Variants in NECTIN1 observed in about 807,000 individuals in gnomAD.
NECTIN1 encodes the protein nectin-1.
A neutral mutation model predicts 48.0 loss-of-function variants in NECTIN1; 23 were observed. That is an observed-to-expected ratio of 0.48 (90% CI 0.34 to 0.68). The LOEUF (loss-of-function observed/expected upper bound fraction) is 0.68. NECTIN1 is among the 30% of genes least tolerant of loss of function. NECTIN1 has a pLI of 0.01. For synonymous variants in NECTIN1, 270 were observed against 288.9 expected (o/e 0.93, Z 0.66); for missense variants, 591 against 709.9 (o/e 0.83, Z 1.90).
At chr11:119,714,745 AGGGGTGGGAAG>A (rs1268957169) in intron 1 of NECTIN1, among the ~76,000 whole-genome samples, 1 of 84,302 alleles carries the variant, frequency 1.2e-5, no homozygotes, top group Admixed American at 1.4e-4. Context: ...TAAGGAAAAC[AGGGGTGGGAAG>A]GGGGTGGGGG....
intron 1 of NECTIN1, among the ~76,000 whole-genome samples, chr11:119,687,029 T>C (rs1865170547): frequency 6.6e-6 from 1 of 151,882 alleles, no homozygotes; most frequent in African/African-American, 2.4e-5. Flanking sequence ...CTGCATATTA[T>C]CCAAAAGGCA....
rs1864968972 is a variant in NECTIN1, at chr11:119,677,235, T to C, written c.734-16A>G. 11 of 1,605,280 alleles carry C rather than the reference T, an allele frequency of 6.9e-6. No individual in the cohort carries two copies. Among genetic ancestry groups the C allele is most frequent in the Middle Eastern group, 1.7e-4 (1 of 6,048 alleles). ...TCAGGCTCATCTGTGGGGCAAGGGA[T>C]GTTTGAAGAGGGTGAGGTCAGGAGA... On this transcript the variant is annotated splice_polypyrimidine_tract_variant and intron_variant, in intron 3 of 5. Coordinates refer to ENST00000264025, the MANE Select transcript of NECTIN1 (RefSeq NM_002855.5). This position sits in a 1 kb window ranked among gnomAD's most constrained non-coding sequence, Gnocchi z 5.4.
At chr11:119,646,990 C>A (rs898716898) in intron 5 of NECTIN1, among the ~76,000 whole-genome samples, 1 of 152,138 alleles carries the variant, frequency 6.6e-6, no homozygotes, top group African/African-American at 2.4e-5. Context: ...CTGTGGCAGA[C>A]CTGCCAAGCA....
intron 1 of NECTIN1, among the ~76,000 whole-genome samples, chr11:119,716,234 C>G (rs1201401427): frequency 6.6e-6 from 1 of 152,132 alleles, no homozygotes; most frequent in Non-Finnish European, 1.5e-5. Context: ...AGGAGCCCAG[C>G]AGAGGGGCTC....
At position 119,662,588 on chromosome 11, in the gene NECTIN1, C is replaced by T. The variant is rs1864686154; in HGVS notation, c.*2159G>A. On this transcript the variant is annotated 3_prime_UTR_variant, in exon 6 of 6. Transcript: ENST00000264025. The surrounding 1 kb of genome is among the most constrained non-coding windows in gnomAD (Gnocchi z 5.3). ...AGGATAAAGGAGATGCAGGAGGAGA[C>T]AGGGACAGGAAATGCCTCTATCAGG... 1.0e-6 allele frequency: 1 copy of T among 985,516 alleles called. No homozygotes were observed. Among genetic ancestry groups the T allele is most frequent in the African/African-American group, 1.8e-5 (1 of 57,070 alleles). The allele number at this position is 985,516 out of a possible 1,614,324, so 61.0% of individuals were successfully genotyped here.
At position 119,690,877 on chromosome 11, in the gene NECTIN1, C is replaced by T. The variant is rs75740876; in HGVS notation, c.80-12112G>A. Reference sequence around the variant, plus strand: ...TGCAGAAGCCACTCACTTTTCACGCCGCCCCCCACCTCAACCTACCTTCCG... The same window carrying T: ...TGCAGAAGCCACTCACTTTTCACGCTGCCCCCCACCTCAACCTACCTTCCG... On this transcript the variant is annotated intron_variant, in intron 1 of 5. Coordinates refer to ENST00000264025, the MANE Select transcript of NECTIN1 (RefSeq NM_002855.5). Among the ~76,000 whole-genome samples, 455 of 152,278 alleles carry T rather than the reference C, an allele frequency of 3.0e-3. 9 individuals carry two copies. In the East Asian group the frequency reaches 0.062, roughly 21 times the overall value.
Position 119,664,309 on chromosome 11 carries a change from G to A in NECTIN1, c.*438C>T, listed in dbSNP as rs760416313. On this transcript the variant is annotated 3_prime_UTR_variant, in exon 6 of 6. Coordinates refer to ENST00000264025, the MANE Select transcript of NECTIN1 (RefSeq NM_002855.5). ...AGCCGGGAGGAGGAGCAGCATCTGG[G>A]GGTGTGGGGAGCTTTTCCCTCTTAG... 3.5e-5 allele frequency: 35 copies of A among 1,003,952 alleles called. No individual in the cohort carries two copies. The highest frequency in any genetic ancestry group is 4.0e-5 in the Non-Finnish European group (34 of 841,064). 62.2% of individuals were successfully genotyped at this position (1,003,952 alleles called of 1,614,324 possible).
chr11:119,648,307 A>ATGG lies in NECTIN1; in HGVS notation c.1004-8298_1004-8296dup, dbSNP rs1565376549. ...GGTGGTGATGGTGGTGGTGGTGGTG[A>ATGG]TGGTGGTGATGGTGATGGTGGTGAT... is the stretch of plus-strand genomic sequence containing the variant. On this transcript the variant is annotated intron_variant, in intron 5 of 7. Coordinates refer to the NECTIN1 transcript ENST00000341398. 1.2e-3 allele frequency among the ~76,000 whole-genome samples: 12 copies of ATGG among 10,420 alleles called. 1 individual carries two copies. The highest frequency in any genetic ancestry group is 3.5e-3 in the African/African-American group (8 of 2,312). The allele number at this position is 10,420 out of a possible 152,430, so 6.8% of individuals were successfully genotyped here.
chr11:119,648,307 A>ATGGTGG lies in NECTIN1; in HGVS notation c.1004-8301_1004-8296dup, dbSNP rs1565376549. Among the ~76,000 whole-genome samples, 21 of 10,430 alleles carry ATGGTGG rather than the reference A, an allele frequency of 2.0e-3. 1 individual carries two copies. The highest frequency in any genetic ancestry group is 6.5e-3 in the African/African-American group (15 of 2,316). 6.8% of individuals were successfully genotyped at this position (10,430 alleles called of 152,430 possible). A position where few individuals can be genotyped will look rare whatever the true frequency, so the allele number is the denominator to read the frequency against. ...GGTGGTGATGGTGGTGGTGGTGGTG[A>ATGGTGG]TGGTGGTGATGGTGATGGTGGTGAT... On this transcript the variant is annotated intron_variant, in intron 5 of 7. Transcript: ENST00000341398.
rs1451274023 is a variant in NECTIN1, at chr11:119,709,273, C to G, written c.79+19202G>C. On this transcript the variant is annotated intron_variant, in intron 1 of 5. Transcript: ENST00000264025. The surrounding 1 kb of genome is among the most constrained non-coding windows in gnomAD (Gnocchi z 4.1). ...AACTGTCTGTTCAGAAATAAGAGAC[C>G]CCCTCACTCATATCCCCAGTGTACC... 2.0e-5 allele frequency among the ~76,000 whole-genome samples: 3 copies of G among 152,056 alleles called. No individual in the cohort carries two copies. Among genetic ancestry groups the G allele is most frequent in the African/African-American group, 7.3e-5 (3 of 41,372 alleles).
intron 1 of NECTIN1, among the ~76,000 whole-genome samples, chr11:119,685,508 C>T (rs1326929496): frequency 6.6e-6 from 1 of 152,230 alleles, no homozygotes; most frequent in Non-Finnish European, 1.5e-5. Context: ...GCAAGTCCCA[C>T]CTCCCTCCAG....
intron 1 of NECTIN1, among the ~76,000 whole-genome samples, chr11:119,697,058 G>C (rs1865352321): frequency 6.6e-6 from 1 of 152,138 alleles, no homozygotes; most frequent in Non-Finnish European, 1.5e-5. Context: ...GGCCGGGCCT[G>C]GGAGGGGCAG....
intron 5 of NECTIN1, among the ~76,000 whole-genome samples, chr11:119,650,717 C>T (rs906441518): frequency 5.9e-5 from 9 of 152,134 alleles, no homozygotes; most frequent in South Asian, 2.1e-4. Flanking sequence ...TGGCTAACTG[C>T]GGGACTTTGG....
chr11:119,706,431 GACCCATTTTCCTTTGCTCTGAGA>G (rs1236297470), intron 1 of NECTIN1, among the ~76,000 whole-genome samples: 1 of 152,136 alleles, frequency 6.6e-6, no homozygotes, highest in East Asian at 1.9e-4. Context: ...CGCCAGGAAG[GACCCATTTTCCTTTGCTCTGAGA>G]ACTGCTGGTT....
chr11:119,647,346 C>T (rs1019783881), intron 5 of NECTIN1, among the ~76,000 whole-genome samples: 3 of 152,002 alleles, frequency 2.0e-5, no homozygotes, highest in African/African-American at 7.3e-5. Flanking sequence ...CCCTGCCCTC[C>T]ACACCTTGAG....
intron 1 of NECTIN1, among the ~76,000 whole-genome samples, chr11:119,701,020 A>G (rs926736293): frequency 6.6e-6 from 1 of 152,128 alleles, no homozygotes; most frequent in Non-Finnish European, 1.5e-5. Context: ...AGGTCTCTGC[A>G]GTGGGGCAGA....
At chr11:119,658,898 T>C (rs1186749287), downstream of NECTIN1, 1 of 152,234 alleles carries the variant, frequency 6.6e-6, no homozygotes, top group African/African-American at 2.4e-5. Context: ...CAAATCATAG[T>C]TTCCTCTCTA....
In NECTIN1 at chr11:119,709,310, C is replaced by G. The variant is rs1865597209; in HGVS notation, c.79+19165G>C. ...ATCCCCAGTGTACCAGGGCCTGTCT[C>G]AGCCCCTGAGAATCTGGGATCACCA... On this transcript the variant is annotated intron_variant, in intron 1 of 5. Coordinates refer to ENST00000264025, the MANE Select transcript of NECTIN1 (RefSeq NM_002855.5). The surrounding 1 kb of genome is among the most constrained non-coding windows in gnomAD (Gnocchi z 4.1). Among the ~76,000 whole-genome samples, 1 of 152,170 alleles carries G rather than the reference C, an allele frequency of 6.6e-6. No homozygotes were observed. Among genetic ancestry groups the G allele is most frequent in the Non-Finnish European group, 1.5e-5 (1 of 68,024 alleles).
chr11:119,688,184 T>A lies in NECTIN1; in HGVS notation c.80-9419A>T, dbSNP rs79566718. Among the ~76,000 whole-genome samples the A allele has an allele frequency of 6.0e-3, 908 of 152,286 alleles. 12 individuals carry two copies. The highest frequency in any genetic ancestry group is 0.021 in the African/African-American group (863 of 41,546). On this transcript the variant is annotated intron_variant, in intron 1 of 5. Coordinates refer to ENST00000264025, the MANE Select transcript of NECTIN1 (RefSeq NM_002855.5). ...ATGTATAAAATGGGGCCAGTAATAG[T>A]ACTATCTCCTAGGGCTGATTTGAGG...
Sources: allele counts gnomAD v4.1 joint callset (sites outside exome capture counted in the v4.1 genomes callset), GRCh38; gene constraint gnomAD v4.1.1; non-coding constraint Gnocchi (gnomAD v3.1); transcripts MANE v1.5; gene names NCBI Gene and HGNC (gene_info 2026-07-23, HGNC 2026-07-21).